The following LY75 variants were observed in gnomAD, a reference collection of about 807,000 sequenced individuals.
The protein encoded by LY75 is C-type lectin domain family 13 member B.
In LY75, 185 loss-of-function variants were observed where a neutral mutation model predicts 231.7. The observed-to-expected ratio is 0.80, with a 90% CI of 0.71 to 0.90. The LOEUF is 0.90. Ranked by LOEUF, LY75 falls within the 40% of genes least tolerant of loss-of-function variation. LY75 has a pLI of 0.00. For synonymous variants in LY75, 668 were observed against 689.0 expected (o/e 0.97, Z 0.48); for missense variants, 1,947 against 2,050.2 (o/e 0.95, Z 0.97).
intron 30 of LY75, 60 bp downstream of exon 30, chr2:159,816,746 A>C: frequency 6.3e-7 from 1 of 1,595,714 alleles, no homozygotes; most frequent in Non-Finnish European, 8.5e-7. Flanking sequence ...TTTACGCTCA[A>C]ATTTCTAACC....
At position 159,842,251 on chromosome 2, in the gene LY75, A is replaced by G; in HGVS notation, c.3274T>C (p.Tyr1092His). The change falls in exon 24 of 35, where the codon TAT becomes CAT. Residue 1092 changes from tyrosine to histidine, a missense_variant. Physicochemically the swap from Tyr to His is moderately conservative, Grantham distance 83. Coordinates refer to ENST00000263636, the MANE Select transcript of LY75 (RefSeq NM_002349.4). ...TCTAGATAATAATTGTTACCTGAAT[A>G]TTTCTGACAGAGAGACACAAAGTGG... is the stretch of plus-strand genomic sequence containing the variant. Reference protein sequence around the residue: ...ERHFVSLCQKYSEVKSRQTLQ... With the variant: ...ERHFVSLCQKHSEVKSRQTLQ... 6.2e-7 allele frequency: 1 copy of G among 1,610,808 alleles called. No homozygotes were observed. The highest frequency in any genetic ancestry group is 8.5e-7 in the Non-Finnish European group (1 of 1,178,100).
intron 31 of LY75, chr2:159,813,884 T>A (rs2125829637): frequency 6.6e-6 from 1 of 152,374 alleles, no homozygotes. Flanking sequence ...CATGCCTTAT[T>A]TCTCATGTAT....
chr2:159,858,511 G>A, intron 15 of LY75, 35 bp from the exon 16 acceptor site: 1 of 1,590,662 alleles, frequency 6.3e-7, no homozygotes, highest in Non-Finnish European at 8.5e-7. Flanking sequence ...ATATTTTGAA[G>A]TTGATACATC....
At chr2:159,874,100 T>TATATAAACGTATATATTTTGTAAAA (rs1560093063) in intron 12 of LY75, among the ~76,000 whole-genome samples, 2 of 117,182 alleles carry the variant, frequency 1.7e-5, no homozygotes, top group African/African-American at 2.8e-5. Flanking sequence ...ATTTTGTAAA[T>TATATAAACGTATATATTTTGTAAAA]ATATAAACGT....
At chr2:159,840,424 T>C (rs544896422) in intron 25 of LY75, among the ~76,000 whole-genome samples, 1 of 151,972 alleles carries the variant, frequency 6.6e-6, no homozygotes, top group Non-Finnish European at 1.5e-5. Flanking sequence ...ATACAAAAAT[T>C]AGCCAGGTAT....
chr2:159,823,260 T>C (rs769350151), intron 28 of LY75, among the ~76,000 whole-genome samples: 5 of 152,086 alleles, frequency 3.3e-5, no homozygotes, highest in Non-Finnish European at 5.9e-5. Context: ...ATTAGTGACC[T>C]GATGGAGCTG....
intron 16 of LY75, among the ~76,000 whole-genome samples, chr2:159,856,998 T>C (rs928361567): frequency 8.5e-5 from 13 of 152,126 alleles, no homozygotes; most frequent in African/African-American, 1.9e-4. Context: ...CAGAGAGTAA[T>C]GGGAGGCTCA....
intron 13 of LY75, 96 bp downstream of exon 13, chr2:159,872,355 T>A: frequency 6.7e-7 from 1 of 1,488,772 alleles, no homozygotes; most frequent in Non-Finnish European, 9.0e-7. Context: ...CATGTCCATT[T>A]TTTTTCCAAC....
intron 25 of LY75, among the ~76,000 whole-genome samples, chr2:159,838,808 T>A (rs968729111): frequency 1.3e-4 from 20 of 152,124 alleles, no homozygotes; most frequent in African/African-American, 2.4e-4. Context: ...TTAATTTTTT[T>A]ATTTAGAGAT....
At chr2:159,809,825 A>C (rs1399984454) in intron 32 of LY75, among the ~76,000 whole-genome samples, 1 of 149,658 alleles carries the variant, frequency 6.7e-6, no homozygotes, top group Non-Finnish European at 1.5e-5. Flanking sequence ...TTACAGGTGC[A>C]CGCCACCACG....
intron 23 of LY75, among the ~76,000 whole-genome samples, chr2:159,847,869 C>T (rs1046044630): frequency 2.6e-5 from 4 of 151,808 alleles, no homozygotes; most frequent in African/African-American, 9.7e-5. Flanking sequence ...GAAATATAGG[C>T]TAAGATTATA....
At chr2:159,904,558 C>T (rs1386356546) in intron 1 of LY75, 31 bp downstream of exon 1, 3 of 1,501,388 alleles carry the variant, frequency 2.0e-6, no homozygotes, top group East Asian at 2.9e-5. Context: ...AGGCACCCAG[C>T]GGACTGCGGG....
chr2:159,843,188 G>T (rs1403786619), intron 23 of LY75, among the ~76,000 whole-genome samples: 4 of 151,846 alleles, frequency 2.6e-5, no homozygotes, highest in African/African-American at 7.3e-5. Context: ...GGTAGAAAAA[G>T]GTAGAAATAG....
chr2:159,880,063 T>C (rs975066667), intron 8 of LY75, among the ~76,000 whole-genome samples: 1 of 152,216 alleles, frequency 6.6e-6, no homozygotes, highest in Non-Finnish European at 1.5e-5. Flanking sequence ...ATGTTGGATG[T>C]CCTTTTAAAT....
chr2:159,810,647 T>C lies in LY75; in HGVS notation c.4578A>G (p.Ser1526=), dbSNP rs147346181. 1,464 of 1,613,892 alleles carry C rather than the reference T, an allele frequency of 9.1e-4. 32 individuals are homozygous for C. The South Asian group carries it at 0.015, about 17-fold the overall frequency. The part of the protein sequence containing the change: ...KSKKLSRLTY[S]SRCPAAKENG... ...TCTCTTTTGCTGCTGGACATCTTGA[T>C]GAATATGTAAGACGGGACAGCTTTT... The change falls in exon 32 of 35, where the codon TCA becomes TCG. Residue 1526 remains serine (S), a synonymous_variant. Transcript: ENST00000263636.
intron 25 of LY75, among the ~76,000 whole-genome samples, chr2:159,835,858 T>C (rs764728327): frequency 6.6e-6 from 1 of 152,202 alleles, no homozygotes; most frequent in Non-Finnish European, 1.5e-5. Context: ...GGTACTATTA[T>C]TATCTCCATT....
Position 159,819,740 on chromosome 2 carries a change from C to A in LY75, c.4139G>T (p.Cys1380Phe). ...ACTATACTTACCCATTTCAATTTTA[C>A]AAGCAAGAATGCTGTGCTGGTGAAA... ...VYFHQHSILA[C>F]KIEMVDYKEE... The change falls in exon 29 of 35, where the codon TGT becomes TTT. Residue 1380 changes from cysteine to phenylalanine, a missense_variant. Physicochemically the swap from Cys to Phe is radical, Grantham distance 205. Transcript: ENST00000263636. 1 of 1,608,766 alleles carries A rather than the reference C, an allele frequency of 6.2e-7. No homozygotes were observed. The highest frequency in any genetic ancestry group is 8.5e-7 in the Non-Finnish European group (1 of 1,178,618).
At chr2:159,894,217 T>C in intron 2 of LY75, 133 bp from the exon 3 acceptor site, 2 of 1,155,142 alleles carry the variant, frequency 1.7e-6, no homozygotes, top group South Asian at 3.3e-5. Flanking sequence ...ATTCAGAGCA[T>C]GGGTGCTGTC....
chr2:159,850,862 C>A (rs1239631736), intron 21 of LY75, among the ~76,000 whole-genome samples: 3 of 133,514 alleles, frequency 2.2e-5, no homozygotes, highest in African/African-American at 8.5e-5. Context: ...TATATTATAT[C>A]TTTATATATT....
Sources: allele counts gnomAD v4.1 joint callset (sites outside exome capture counted in the v4.1 genomes callset), GRCh38; gene constraint gnomAD v4.1.1; transcripts MANE v1.5; gene names NCBI Gene and HGNC (gene_info 2026-07-23, HGNC 2026-07-21).